TACC2: variants seen among roughly 807,000 people sequenced by gnomAD.
TACC2 encodes transforming acidic coiled-coil containing protein 2, also known as transforming acidic coiled-coil-containing protein 2.
A neutral mutation model predicts 227.3 loss-of-function variants in TACC2; 137 were observed. The observed-to-expected ratio is 0.60, with a 90% CI of 0.52 to 0.69. TACC2 has a LOEUF of 0.69. Among genes scored for constraint, TACC2 ranks in the 30% least tolerant of loss-of-function variants. The probability of loss-of-function intolerance (pLI) is 0.00; values close to 1 mark genes in which losing one functional copy is unlikely to be tolerated. For synonymous variants in TACC2, 1,523 were observed against 1,487.5 expected (o/e 1.02, Z -0.55); for missense variants, 3,470 against 3,694.4 (o/e 0.94, Z 1.57).
In TACC2 at chr10:122,147,786, C is replaced by T. The variant is rs542835063; in HGVS notation, c.5834+4080C>T. ...GAAGCCCCCAGGCAGTACAGTGATACGATCGGATCTGCATTGTTAAAGACC... is the reference window on the plus strand; with the variant it reads ...GAAGCCCCCAGGCAGTACAGTGATATGATCGGATCTGCATTGTTAAAGACC... On this transcript the variant is annotated intron_variant, in intron 7 of 22. Coordinates refer to ENST00000369005, the MANE Select transcript of TACC2 (RefSeq NM_206862.4). Among the ~76,000 whole-genome samples the T allele has an allele frequency of 2.7e-4, 41 of 152,288 alleles. No homozygotes were observed. The South Asian group carries it at 4.6e-3, about 17-fold the overall frequency.
At chr10:122,100,780 G>C (rs1398267417) in intron 5 of TACC2, among the ~76,000 whole-genome samples, 1 of 152,184 alleles carries the variant, frequency 6.6e-6, no homozygotes, top group Non-Finnish European at 1.5e-5. Context: ...GGAGAAAGGT[G>C]TAAGTGCAGA....
intron 2 of TACC2, among the ~76,000 whole-genome samples, chr10:122,048,975 A>G (rs138862805): frequency 3.3e-5 from 5 of 152,348 alleles, no homozygotes; most frequent in African/African-American, 9.6e-5. Flanking sequence ...TAGAACTCAG[A>G]ATTTTTACTA....
chr10:122,197,090 G>A (rs535003376), intron 8 of TACC2, among the ~76,000 whole-genome samples: 3 of 151,512 alleles, frequency 2.0e-5, no homozygotes, highest in South Asian at 2.1e-4. Context: ...GTGAAACCCC[G>A]TCTCTACTAA....
At chr10:121,993,768 G>A (rs1267577500) in intron 1 of TACC2, among the ~76,000 whole-genome samples, 1 of 152,120 alleles carries the variant, frequency 6.6e-6, no homozygotes, top group Non-Finnish European at 1.5e-5. Context: ...TGGGACTACA[G>A]GCGTGCGCCA....
At chr10:122,118,742 A>G (rs148984675) in intron 5 of TACC2, among the ~76,000 whole-genome samples, 336 of 152,312 alleles carry the variant, frequency 2.2e-3, no homozygotes, top group African/African-American at 7.8e-3. Flanking sequence ...CCTCATCTAT[A>G]TAAGAATACT....
intron 18 of TACC2, among the ~76,000 whole-genome samples, 159 bp downstream of exon 18, chr10:122,238,196 A>G (rs1017731298): frequency 6.6e-6 from 1 of 152,144 alleles, no homozygotes; most frequent in African/African-American, 2.4e-5. Flanking sequence ...TTTTTACTCT[A>G]TTACTATTAC....
In TACC2 at chr10:122,140,886, G is replaced by C. The variant is rs1473458418; in HGVS notation, c.5700-2686G>C. Among the ~76,000 whole-genome samples, 8 of 152,314 alleles carry C rather than the reference G, an allele frequency of 5.3e-5. No homozygotes were observed. In the South Asian group the frequency reaches 1.2e-3, roughly 24 times the overall value. ...CTAGGCTCCTGGAGGACCAGCTTCC[G>C]AATGCCGTGGAAAGTCAGGGAGGGC... On this transcript the variant is annotated intron_variant, in intron 6 of 22. Transcript: ENST00000369005.
At chr10:122,229,966 C>T (rs2095705126) in intron 15 of TACC2, among the ~76,000 whole-genome samples, 1 of 152,132 alleles carries the variant, frequency 6.6e-6, no homozygotes, top group African/African-American at 2.4e-5. Flanking sequence ...GTGTTCAGAG[C>T]AAACCTAGAG....
chr10:122,039,854 G>C (rs1348767759), intron 2 of TACC2, among the ~76,000 whole-genome samples: 3 of 152,090 alleles, frequency 2.0e-5, no homozygotes, highest in Non-Finnish European at 4.4e-5. Context: ...GTAGCTTTGG[G>C]TTCTGTTCTC....
chr10:122,029,887 G>T (rs1958716935), intron 2 of TACC2, among the ~76,000 whole-genome samples: 1 of 143,652 alleles, frequency 7.0e-6, no homozygotes, highest in African/African-American at 2.6e-5. Context: ...CCCACTACTG[G>T]CTGCAAACAA....
chr10:122,158,911 C>T (rs942340141), intron 7 of TACC2, among the ~76,000 whole-genome samples: 3 of 152,178 alleles, frequency 2.0e-5, no homozygotes, highest in South Asian at 2.1e-4. Flanking sequence ...AGGTCTCGTG[C>T]GGCATGTGTT....
At chr10:122,188,317 T>A (rs980607302) in intron 7 of TACC2, among the ~76,000 whole-genome samples, 2 of 152,322 alleles carry the variant, frequency 1.3e-5, no homozygotes, top group South Asian at 2.1e-4. Flanking sequence ...TCTCGCCCTA[T>A]CATCCAGGCT....
rs1388018378 is a variant in TACC2, at chr10:122,105,141, C to T, written c.5573+16550C>T. On this transcript the variant is annotated intron_variant, in intron 5 of 22. Coordinates refer to ENST00000369005, the MANE Select transcript of TACC2 (RefSeq NM_206862.4). ...GAAGATAGTGTGCTGTCACTCAGGG[C>T]GCCAGCATTCCGAAGCTTCTCTTTG... 5.3e-5 allele frequency among the ~76,000 whole-genome samples: 8 copies of T among 152,200 alleles called. No homozygotes were observed. In the South Asian group the frequency reaches 6.2e-4, roughly 12 times the overall value.
chr10:122,047,959 A>G (rs113818157), intron 2 of TACC2, among the ~76,000 whole-genome samples: 4 of 152,304 alleles, frequency 2.6e-5, no homozygotes, highest in African/African-American at 9.6e-5. Flanking sequence ...CTTTGGACAC[A>G]ATGGGATGAA....
chr10:122,043,953 C>G (rs1454593164), intron 2 of TACC2, among the ~76,000 whole-genome samples: 2 of 152,198 alleles, frequency 1.3e-5, no homozygotes, highest in Non-Finnish European at 2.9e-5. Flanking sequence ...CATATAGATG[C>G]TTCCCCGGCT....
At chr10:122,158,831 C>T (rs963129234) in intron 7 of TACC2, among the ~76,000 whole-genome samples, 1 of 152,202 alleles carries the variant, frequency 6.6e-6, no homozygotes, top group African/African-American at 2.4e-5. Flanking sequence ...TAAACGAACA[C>T]AACCATCTTC....
chr10:122,228,798 G>T (rs1436177407), intron 14 of TACC2, among the ~76,000 whole-genome samples: 1 of 151,904 alleles, frequency 6.6e-6, no homozygotes, highest in East Asian at 1.9e-4. Context: ...GCAAAAAGAG[G>T]GTCTAGATGT....
intron 2 of TACC2, among the ~76,000 whole-genome samples, chr10:122,037,293 C>A (rs1163194450): frequency 6.6e-6 from 1 of 152,222 alleles, no homozygotes; most frequent in Non-Finnish European, 1.5e-5. Context: ...TTTGTAGGTC[C>A]CAACCAGCCC....
At chr10:122,217,433 T>C (rs2095430221) in intron 11 of TACC2, among the ~76,000 whole-genome samples, 1 of 141,000 alleles carries the variant, frequency 7.1e-6, no homozygotes. Flanking sequence ...TTTCTTTCTT[T>C]TTTCTTTTTT....
Sources: allele counts gnomAD v4.1 joint callset (sites outside exome capture counted in the v4.1 genomes callset), GRCh38; gene constraint gnomAD v4.1.1; transcripts MANE v1.5; gene names NCBI Gene and HGNC (gene_info 2026-07-23, HGNC 2026-07-21).